RPS6KA6: variants seen among roughly 807,000 people sequenced by gnomAD.
RPS6KA6 encodes the protein ribosomal protein S6 kinase alpha-6.
A neutral mutation model predicts 65.4 loss-of-function variants in RPS6KA6; 27 were observed. The ratio of observed to expected loss-of-function variants is 0.41; its 90% CI spans 0.30 to 0.57. RPS6KA6 has a LOEUF of 0.57. RPS6KA6 is among the 20% of genes least tolerant of loss of function. The probability of loss-of-function intolerance (pLI) is 0.24; values close to 1 mark genes in which losing one functional copy is unlikely to be tolerated. For synonymous variants in RPS6KA6, 190 were observed against 184.2 expected (o/e 1.03, Z -0.26); for missense variants, 486 against 555.6 (o/e 0.87, Z 1.26).
intron 12 of RPS6KA6, among the ~76,000 whole-genome samples, chrX:84,111,695 A>C (rs1460517583): frequency 1.8e-5 from 2 of 112,167 alleles, no homozygotes; most frequent in Non-Finnish European, 3.8e-5. Context: ...GACGTTCTAA[A>C]GATGGAAACA....
At chrX:84,116,378 C>G (rs969454994) in intron 11 of RPS6KA6, 91 bp from the exon 12 acceptor site, 2 of 395,137 alleles carry the variant, frequency 5.1e-6, no homozygotes, top group African/African-American at 5.3e-5. Flanking sequence ...CAGGAATACA[C>G]ATATTTCATA....
chrX:84,179,088 G>A (rs1340338486), intron 1 of RPS6KA6, among the ~76,000 whole-genome samples: 1 of 111,163 alleles, frequency 9.0e-6, no homozygotes, highest in South Asian at 3.8e-4. Flanking sequence ...AACCCAACTT[G>A]AACAATTTCA....
rs1191737057 is a variant in RPS6KA6, at chrX:84,140,758, C to CATATATATATATATATATATAT, written c.501+4719_501+4720insATATATATATATATATATATAT. On this transcript the variant is annotated intron_variant, in intron 6 of 21. Coordinates refer to ENST00000262752, the MANE Select transcript of RPS6KA6 (RefSeq NM_014496.5). ...CAAAAAAAAAAAAAAAAAAAACATA[C>CATATATATATATATATATATAT]ATATATATATATATAGTCAAACATG... Among the ~76,000 whole-genome samples the CATATATATATATATATATATAT allele has an allele frequency of 3.8e-3, 299 of 79,212 alleles. 4 individuals carry two copies. The highest frequency in any genetic ancestry group is 0.032 in the East Asian group (64 of 2,005). 68.8% of individuals were successfully genotyped at this position (79,212 alleles called of 115,157 possible).
chrX:84,106,593 TC>T, intron 14 of RPS6KA6, 106 bp from the exon 15 acceptor site: 1 of 583,745 alleles, frequency 1.7e-6, no homozygotes, highest in Non-Finnish European at 2.6e-6. Flanking sequence ...CTAGAATAAT[TC>T]ATTCTACAGA....
chrX:84,157,582 T>C (rs1207229320), intron 2 of RPS6KA6, among the ~76,000 whole-genome samples: 2 of 110,852 alleles, frequency 1.8e-5, no homozygotes, highest in Non-Finnish European at 3.8e-5. Flanking sequence ...AAACCTTGGC[T>C]AAATCACAAA....
intron 6 of RPS6KA6, among the ~76,000 whole-genome samples, chrX:84,135,961 A>C (rs774762720): frequency 2.7e-5 from 3 of 111,905 alleles, no homozygotes; most frequent in Admixed American, 9.5e-5. Flanking sequence ...TCAGTTTCTA[A>C]ATCTGTGAAA....
intron 16 of RPS6KA6, 43 bp from the exon 17 acceptor site, chrX:84,104,700 CA>C: frequency 1.2e-6 from 1 of 800,671 alleles, no homozygotes; most frequent in Non-Finnish European, 1.7e-6. Flanking sequence ...TTTATAATTA[CA>C]ATTCTATAAT....
chrX:84,066,141 A>T (rs935547806), intron 20 of RPS6KA6, among the ~76,000 whole-genome samples: 1 of 110,358 alleles, frequency 9.1e-6, no homozygotes, highest in Non-Finnish European at 1.9e-5. Context: ...TGCCTACACC[A>T]CCAGGGTCCT....
intron 12 of RPS6KA6, among the ~76,000 whole-genome samples, chrX:84,115,496 A>G (rs942906450): frequency 4.5e-5 from 5 of 112,232 alleles, no homozygotes; most frequent in Non-Finnish European, 9.4e-5. Flanking sequence ...GTACACTTAT[A>G]CACTGTTAAT....
At chrX:84,073,027 A>C (rs2147338062) in intron 20 of RPS6KA6, among the ~76,000 whole-genome samples, 1 of 111,906 alleles carries the variant, frequency 8.9e-6, no homozygotes, top group East Asian at 2.8e-4. Flanking sequence ...GACATAGAAA[A>C]AATTATAAAA....
chrX:84,089,800 C>G (rs756773416), intron 20 of RPS6KA6, among the ~76,000 whole-genome samples: 2 of 111,771 alleles, frequency 1.8e-5, no homozygotes, highest in South Asian at 7.6e-4. Flanking sequence ...AGTCCCAATA[C>G]ACGAAACTGT....
chrX:84,170,508 TA>T (rs1456345715), intron 1 of RPS6KA6, among the ~76,000 whole-genome samples: 9 of 110,234 alleles, frequency 8.2e-5, no homozygotes, highest in Non-Finnish European at 1.7e-4. Flanking sequence ...CATGCACTTG[TA>T]ATCCCAGCTA....
intron 17 of RPS6KA6, among the ~76,000 whole-genome samples, chrX:84,102,764 C>G (rs1239344623): frequency 9.0e-6 from 1 of 110,705 alleles, no homozygotes; most frequent in African/African-American, 3.3e-5. Context: ...ATATCTGTGG[C>G]TTTTAGCCTG....
At chrX:84,132,820 A>G (rs2034924931) in intron 8 of RPS6KA6, among the ~76,000 whole-genome samples, 1 of 108,203 alleles carries the variant, frequency 9.2e-6, no homozygotes, top group Non-Finnish European at 1.9e-5. Context: ...TACAACAGGA[A>G]ACTTTCTATA....
intron 8 of RPS6KA6, among the ~76,000 whole-genome samples, chrX:84,124,706 T>C (rs1005644890): frequency 2.7e-5 from 3 of 109,487 alleles, no homozygotes; most frequent in African/African-American, 6.6e-5. Context: ...TGGACTTGAA[T>C]AGAAAGTAGA....
intron 20 of RPS6KA6, among the ~76,000 whole-genome samples, chrX:84,093,577 T>G (rs1416075670): frequency 8.9e-6 from 1 of 112,076 alleles, no homozygotes; most frequent in Non-Finnish European, 1.9e-5. Flanking sequence ...AAAAGAGACG[T>G]AAGAATAAAA....
At chrX:84,114,524 A>G (rs759586814) in intron 12 of RPS6KA6, among the ~76,000 whole-genome samples, 1 of 110,892 alleles carries the variant, frequency 9.0e-6, no homozygotes, top group Non-Finnish European at 1.9e-5. Flanking sequence ...ACAAAAAAAA[A>G]CATACTGACC....
At chrX:84,085,201 T>C (rs1180447309) in intron 20 of RPS6KA6, among the ~76,000 whole-genome samples, 2 of 111,691 alleles carry the variant, frequency 1.8e-5, no homozygotes, top group Admixed American at 9.5e-5. Context: ...TTCTCTTGCC[T>C]GATTGCCCTG....
In RPS6KA6 at chrX:84,161,929, T is replaced by C. The variant is rs73232991; in HGVS notation, c.141+2399A>G. ...TAAGATATTGATAGCATTAAAAATA[T>C]GTATTTTATTTCAGAAAAAACAGAT... On this transcript the variant is annotated intron_variant, in intron 2 of 21. Coordinates refer to ENST00000262752, the MANE Select transcript of RPS6KA6 (RefSeq NM_014496.5). Among the ~76,000 whole-genome samples the C allele has an allele frequency of 3.9e-4, 44 of 112,038 alleles. No homozygotes were observed. The Middle Eastern group carries it at 0.014, about 36-fold the overall frequency.
Sources: allele counts gnomAD v4.1 joint callset (sites outside exome capture counted in the v4.1 genomes callset), GRCh38; gene constraint gnomAD v4.1.1; transcripts MANE v1.5; gene names NCBI Gene and HGNC (gene_info 2026-07-23, HGNC 2026-07-21).